Variants in OR9Q1 observed in about 807,000 individuals in gnomAD.
OR9Q1 encodes the protein olfactory receptor family 9 subfamily Q member 1.
For missense variants in OR9Q1, 374 were observed against 378.8 expected, an observed-to-expected ratio of 0.99 and a Z score of 0.11; for synonymous variants, 153 against 148.6, an observed-to-expected ratio of 1.03 and a Z score of -0.22.
At chr11:58,159,755 A>T (rs1026649906) in intron 2 of OR9Q1, among the ~76,000 whole-genome samples, 1 of 152,244 alleles carries the variant, frequency 6.6e-6, no homozygotes, top group Non-Finnish European at 1.5e-5. Flanking sequence ...GATGGAGGTC[A>T]GGTTCAAAAT....
At chr11:58,035,550 T>C (rs1853093317) in intron 1 of OR9Q1, among the ~76,000 whole-genome samples, 1 of 152,206 alleles carries the variant, frequency 6.6e-6, no homozygotes, top group Non-Finnish European at 1.5e-5. Context: ...TTTATAATAA[T>C]CATTTCAATG....
intron 2 of OR9Q1, among the ~76,000 whole-genome samples, chr11:58,141,570 C>G (rs1854249373): frequency 6.6e-6 from 1 of 152,070 alleles, no homozygotes; most frequent in South Asian, 2.1e-4. Context: ...GGATGAGGCC[C>G]ACTTGATCAT....
Position 58,179,999 on chromosome 11 carries a change from A to G in OR9Q1, c.555A>G (p.Leu185=). 2 of 1,613,884 alleles carry G rather than the reference A, an allele frequency of 1.2e-6. No individual in the cohort carries two copies. The highest frequency in any genetic ancestry group is 1.7e-6 in the Non-Finnish European group (2 of 1,179,944). Residue 185 remains leucine (L), a synonymous_variant, in exon 3 of 3, where the codon TTA becomes TTG. Transcript: ENST00000335397. The part of the protein sequence containing the change: ...DFIFCDLPPL[L]KLTCGESYTQ... ...TTTTCTGTGACCTCCCTCCTCTGTT[A>G]AAGTTGACCTGTGGGGAGAGCTACA...
At chr11:58,066,649 G>A (rs2120008486) in intron 2 of OR9Q1, among the ~76,000 whole-genome samples, 1 of 152,208 alleles carries the variant, frequency 6.6e-6, no homozygotes, top group South Asian at 2.1e-4. Flanking sequence ...TTACTTTCAG[G>A]CCGAAGTTGA....
At position 58,180,138 on chromosome 11, in the gene OR9Q1, A is replaced by T; in HGVS notation, c.694A>T (p.Ser232Cys). ...GGCCATCATGGGGATCCCTGCTGGA[A>T]GCCAGGCCAAGACCTTCTCCACCTG... is the stretch of plus-strand genomic sequence containing the variant. ...IVAIMGIPAGSQAKTFSTCTS... is the reference protein window; with the variant it reads ...IVAIMGIPAGCQAKTFSTCTS... Residue 232 changes from serine (S) to cysteine (C), a missense_variant, in exon 3 of 3, where the codon AGC becomes TGC. Physicochemically the swap from Ser to Cys is moderately radical, Grantham distance 112. Transcript: ENST00000335397. The T allele has an allele frequency of 6.2e-7, 1 of 1,614,134 alleles. No homozygotes were observed. The highest frequency in any genetic ancestry group is 8.5e-7 in the Non-Finnish European group (1 of 1,180,014).
At chr11:58,157,640 C>A (rs1029492772) in intron 2 of OR9Q1, among the ~76,000 whole-genome samples, 21 of 152,184 alleles carry the variant, frequency 1.4e-4, no homozygotes. Flanking sequence ...ACACATCAGG[C>A]TTGTAAGTTC....
At chr11:58,124,971 C>T (rs910787546) in intron 2 of OR9Q1, among the ~76,000 whole-genome samples, 1 of 152,088 alleles carries the variant, frequency 6.6e-6, no homozygotes, top group Non-Finnish European at 1.5e-5. Context: ...TAGTTAAGTA[C>T]CTTGTCCAAG....
intron 2 of OR9Q1, chr11:58,119,273 G>A: frequency 6.2e-7 from 1 of 1,613,962 alleles, no homozygotes; most frequent in East Asian, 2.2e-5. Flanking sequence ...AAGTACATTG[G>A]GGTGTAGAGT....
intron 1 of OR9Q1, among the ~76,000 whole-genome samples, chr11:58,050,645 G>A (rs11518614): frequency 0.052 from 5,582 of 107,250 alleles, 102 homozygotes; most frequent in Middle Eastern, 0.096. Flanking sequence ...AGAAACTACC[G>A]TCAGAGTGAA....
chr11:58,119,027 G>T, intron 2 of OR9Q1: 2 of 1,613,988 alleles, frequency 1.2e-6, no homozygotes, highest in Middle Eastern at 1.7e-4. Flanking sequence ...CTCCAGCAGA[G>T]CCTGGGATTC....
chr11:58,046,863 TA>T (rs973613878), intron 1 of OR9Q1, among the ~76,000 whole-genome samples: 11 of 149,556 alleles, frequency 7.4e-5, no homozygotes, highest in Admixed American at 1.3e-4. Context: ...AACTCCATCT[TA>T]AAAAAAAAGA....
chr11:58,030,927 A>G, intron 1 of OR9Q1: 1 of 1,417,310 alleles, frequency 7.1e-7, no homozygotes, highest in Non-Finnish European at 9.9e-7. Flanking sequence ...TGAGGCTATG[A>G]GTTTGCTGAG....
intron 2 of OR9Q1, among the ~76,000 whole-genome samples, chr11:58,087,198 A>G (rs908571963): frequency 2.6e-5 from 4 of 151,834 alleles, no homozygotes; most frequent in Non-Finnish European, 5.9e-5. Flanking sequence ...GAAGTATAAC[A>G]TTCAGAAAAA....
At chr11:58,150,730 A>G (rs1854342747) in intron 2 of OR9Q1, among the ~76,000 whole-genome samples, 1 of 152,228 alleles carries the variant, frequency 6.6e-6, no homozygotes, top group Admixed American at 6.5e-5. Context: ...ATAATACTTG[A>G]TAATTATAAT....
intron 2 of OR9Q1, among the ~76,000 whole-genome samples, chr11:58,163,837 C>T (rs753606299): frequency 2.9e-4 from 44 of 152,216 alleles, no homozygotes; most frequent in Non-Finnish European, 4.0e-4. Context: ...GGAAACTGGA[C>T]CTTGGAAGAT....
At chr11:58,071,140 C>T (rs1403721404) in intron 2 of OR9Q1, among the ~76,000 whole-genome samples, 1 of 152,204 alleles carries the variant, frequency 6.6e-6, no homozygotes, top group Admixed American at 6.5e-5. Context: ...TCTGCCCTTG[C>T]CTTGTTCCCA....
chr11:58,106,314 A>G (rs1014763486), intron 2 of OR9Q1, among the ~76,000 whole-genome samples: 3 of 151,944 alleles, frequency 2.0e-5, no homozygotes, highest in African/African-American at 7.2e-5. Flanking sequence ...ATATATATTC[A>G]GTTCCTTTGT....
At chr11:58,134,766 T>C (rs1854175387) in intron 2 of OR9Q1, among the ~76,000 whole-genome samples, 1 of 152,136 alleles carries the variant, frequency 6.6e-6, no homozygotes, top group African/African-American at 2.4e-5. Context: ...AGGGATTTTG[T>C]GGTATGGTGG....
intron 2 of OR9Q1, among the ~76,000 whole-genome samples, chr11:58,120,918 T>C (rs1035496591): frequency 6.6e-6 from 1 of 151,314 alleles, no homozygotes; most frequent in Non-Finnish European, 1.5e-5. Flanking sequence ...TCTTCTCCCT[T>C]CCACCCCCTT....
Sources: allele counts gnomAD v4.1 joint callset (sites outside exome capture counted in the v4.1 genomes callset), GRCh38; gene constraint gnomAD v4.1.1; transcripts MANE v1.5; gene names NCBI Gene and HGNC (gene_info 2026-07-23, HGNC 2026-07-21).